CDK8: variants seen among roughly 807,000 people sequenced by gnomAD.
The protein encoded by CDK8 is cyclin-dependent kinase 8.
A neutral mutation model predicts 71.5 loss-of-function variants in CDK8; 29 were observed. The ratio of observed to expected loss-of-function variants is 0.41; its 90% CI spans 0.30 to 0.55. CDK8 has a LOEUF of 0.55. Ranked by LOEUF, CDK8 falls within the 20% of genes least tolerant of loss-of-function variation. CDK8 has a pLI of 0.37. For missense variants in CDK8, 288 were observed against 572.6 expected (o/e 0.50, Z 5.07); for synonymous variants, 161 against 192.1 (o/e 0.84, Z 1.34).
At chr13:26,298,262 G>A (rs1388332068) in intron 1 of CDK8, among the ~76,000 whole-genome samples, 3 of 152,094 alleles carry the variant, frequency 2.0e-5, no homozygotes, top group Admixed American at 6.6e-5. Flanking sequence ...TTCTAGGTAT[G>A]TGGGCAAGCC....
chr13:26,296,858 A>C (rs1048543477), intron 1 of CDK8, among the ~76,000 whole-genome samples: 2 of 152,102 alleles, frequency 1.3e-5, no homozygotes, highest in African/African-American at 4.8e-5. Flanking sequence ...ACCTTTTATT[A>C]ATAAAAGGAC....
chr13:26,371,607 A>AAC (rs1167187875), intron 4 of CDK8, among the ~76,000 whole-genome samples: 1 of 152,162 alleles, frequency 6.6e-6, no homozygotes, highest in Non-Finnish European at 1.5e-5. Context: ...AAGAAATAGA[A>AAC]ACACGTGTAC....
At chr13:26,341,518 TTA>T in intron 2 of CDK8, among the ~76,000 whole-genome samples, 1 of 152,382 alleles carries the variant, frequency 6.6e-6, no homozygotes, top group Middle Eastern at 3.4e-3. Flanking sequence ...ATTGTTTTCC[TTA>T]TTTTTTTACA....
At chr13:26,271,806 CTTTTTTT>C (rs58160694) in intron 1 of CDK8, among the ~76,000 whole-genome samples, 4 of 62,670 alleles carry the variant, frequency 6.4e-5, no homozygotes, top group African/African-American at 3.5e-4. Context: ...GAGACCCTGT[CTTTTTTT>C]TTTTTTTTTT....
intron 1 of CDK8, among the ~76,000 whole-genome samples, chr13:26,296,385 T>C (rs1331666834): frequency 1.3e-5 from 2 of 152,212 alleles, no homozygotes; most frequent in Non-Finnish European, 2.9e-5. Flanking sequence ...CTCTAAGCTT[T>C]AGCATGTAGA....
At chr13:26,365,460 G>A (rs1382728531) in intron 4 of CDK8, among the ~76,000 whole-genome samples, 3 of 152,044 alleles carry the variant, frequency 2.0e-5, no homozygotes, top group African/African-American at 7.2e-5. Context: ...ATTGCAAATA[G>A]CATATATGTT....
intron 1 of CDK8, among the ~76,000 whole-genome samples, chr13:26,329,480 T>TTG (rs1875196954): frequency 5.1e-5 from 6 of 118,362 alleles, no homozygotes; most frequent in African/African-American, 1.8e-4. Context: ...TTTTTTTTTT[T>TTG]TTGTTTTTTT....
intron 2 of CDK8, among the ~76,000 whole-genome samples, chr13:26,341,596 A>C (rs771372234): frequency 6.6e-6 from 1 of 152,156 alleles, no homozygotes; most frequent in South Asian, 2.1e-4. Context: ...TATCTTTGCT[A>C]TATTATGAAG....
chr13:26,374,198 C>T (rs1398469772), intron 4 of CDK8, among the ~76,000 whole-genome samples: 2 of 151,696 alleles, frequency 1.3e-5, no homozygotes, highest in African/African-American at 4.8e-5. Flanking sequence ...GAGACTCCAT[C>T]TCAAAAAAAA....
intron 1 of CDK8, among the ~76,000 whole-genome samples, chr13:26,278,717 T>C (rs1872639690): frequency 6.6e-6 from 1 of 152,174 alleles, no homozygotes; most frequent in African/African-American, 2.4e-5. Context: ...TGGAGAGGTT[T>C]TTATTGGCCA....
At chr13:26,271,168 G>GTAGTTTAGTAACTT in intron 1 of CDK8, among the ~76,000 whole-genome samples, 1 of 152,132 alleles carries the variant, frequency 6.6e-6, no homozygotes, top group Admixed American at 6.6e-5. Context: ...TGTCTTTTTA[G>GTAGTTTAGTAACTT]TAGTTAGTTG....
intron 1 of CDK8, among the ~76,000 whole-genome samples, chr13:26,278,082 A>G (rs1872620261): frequency 6.6e-6 from 1 of 152,216 alleles, no homozygotes; most frequent in Non-Finnish European, 1.5e-5. Context: ...TGGTTTCAAC[A>G]TGTCCTAAAT....
chr13:26,334,517 T>C (rs1033020654), intron 1 of CDK8, among the ~76,000 whole-genome samples: 1 of 152,192 alleles, frequency 6.6e-6, no homozygotes, highest in African/African-American at 2.4e-5. Flanking sequence ...ATCCTCTTAA[T>C]GTCTTTTTCA....
At position 26,366,980 on chromosome 13, in the gene CDK8, G is replaced by A. The variant is rs752383771; in HGVS notation, c.456+13100G>A. Reference sequence around the variant, plus strand: ...GCCATAGTAATTCTTGGTAATATGCGGGGCAGACAACCCTGCTGACACTGG... The same window carrying A: ...GCCATAGTAATTCTTGGTAATATGCAGGGCAGACAACCCTGCTGACACTGG... On this transcript the variant is annotated intron_variant, in intron 4 of 12. Coordinates refer to ENST00000381527, the MANE Select transcript of CDK8 (RefSeq NM_001260.3). Among the ~76,000 whole-genome samples, 17 of 152,216 alleles carry A rather than the reference G, an allele frequency of 1.1e-4. 1 individual carries two copies. Among genetic ancestry groups the A allele is most frequent in the South Asian group, 8.3e-4 (4 of 4,824 alleles).
intron 3 of CDK8, 48 bp downstream of exon 3, chr13:26,349,230 A>T (rs1270636406): frequency 3.9e-6 from 4 of 1,016,748 alleles, no homozygotes; most frequent in Non-Finnish European, 4.6e-6. Context: ...GGGATTGTTA[A>T]GAGTAACTAA....
chr13:26,388,720 A>C (rs1180370094), intron 6 of CDK8, among the ~76,000 whole-genome samples: 1 of 152,148 alleles, frequency 6.6e-6, no homozygotes, highest in East Asian at 1.9e-4. Context: ...ACTCACTAGG[A>C]TATTCTACAG....
chr13:26,286,748 C>T (rs1232861145), intron 1 of CDK8, among the ~76,000 whole-genome samples: 1 of 152,108 alleles, frequency 6.6e-6, no homozygotes, highest in East Asian at 1.9e-4. Flanking sequence ...ACAATATTCT[C>T]AACTGTGCAT....
chr13:26,267,282 G>A (rs1311253734), intron 1 of CDK8, among the ~76,000 whole-genome samples: 1 of 152,198 alleles, frequency 6.6e-6, no homozygotes, highest in Non-Finnish European at 1.5e-5. Flanking sequence ...AGTCCTTGAA[G>A]TAGAATTTCA....
chr13:26,295,941 T>C (rs1422977199), intron 1 of CDK8, among the ~76,000 whole-genome samples: 1 of 152,130 alleles, frequency 6.6e-6, no homozygotes, highest in African/African-American at 2.4e-5. Flanking sequence ...GGTCGTTTGT[T>C]GGATCATTTG....
Sources: allele counts gnomAD v4.1 joint callset (sites outside exome capture counted in the v4.1 genomes callset), GRCh38; gene constraint gnomAD v4.1.1; transcripts MANE v1.5; gene names NCBI Gene and HGNC (gene_info 2026-07-23, HGNC 2026-07-21).